The following PLGRKT variants were observed in gnomAD, a reference collection of about 807,000 sequenced individuals.
The protein encoded by PLGRKT is plasminogen receptor with a C-terminal lysine.
Under a neutral mutation model 18.5 loss-of-function variants are expected in PLGRKT, and 22 were observed. The ratio of observed to expected loss-of-function variants is 1.19; its 90% CI spans 0.85 to 1.70. The LOEUF (loss-of-function observed/expected upper bound fraction) is 1.70, where lower values mean the gene tolerates loss of function less well. PLGRKT is among the 40% of genes most tolerant of loss of function. The probability of loss-of-function intolerance (pLI) is 0.00; values close to 1 mark genes in which losing one functional copy is unlikely to be tolerated. For missense variants in PLGRKT, 235 were observed against 174.4 expected (o/e 1.35, Z -1.96); for synonymous variants, 72 against 52.8 (o/e 1.36, Z -1.58).
intron 3 of PLGRKT, among the ~76,000 whole-genome samples, chr9:5,407,494 T>A (rs1482181928): frequency 6.6e-6 from 1 of 152,216 alleles, no homozygotes; most frequent in Non-Finnish European, 1.5e-5. Flanking sequence ...CTTTATAACC[T>A]TATTGACTAG....
chr9:5,434,843 G>A (rs1292154906), intron 2 of PLGRKT, among the ~76,000 whole-genome samples: 1 of 152,168 alleles, frequency 6.6e-6, no homozygotes, highest in Admixed American at 6.5e-5. Flanking sequence ...TCGAGAACGG[G>A]CCATGATGAC....
At chr9:5,392,616 G>A (rs958913810) in intron 3 of PLGRKT, 4 of 151,822 alleles carry the variant, frequency 2.6e-5, no homozygotes, top group African/African-American at 9.7e-5. Flanking sequence ...CCTCAGGCAA[G>A]CTGCTTTTCA....
intron 3 of PLGRKT, among the ~76,000 whole-genome samples, chr9:5,413,006 TAAAG>T (rs1818393990): frequency 6.6e-6 from 1 of 152,106 alleles, no homozygotes; most frequent in Admixed American, 6.5e-5. Context: ...CACTCATAAT[TAAAG>T]AAAAGCAAAT....
intron 3 of PLGRKT, among the ~76,000 whole-genome samples, chr9:5,373,519 G>C (rs1817568858): frequency 6.6e-6 from 1 of 152,206 alleles, no homozygotes. Flanking sequence ...AGAAAATTAG[G>C]CTGAGCACAG....
Position 5,358,133 on chromosome 9 carries a change from TA to T in PLGRKT, c.*105del. On this transcript the variant is annotated 3_prime_UTR_variant, in exon 6 of 6. Transcript: ENST00000223864. ...AAAACTATCTTGCATTTTAATATTT[TA>T]AAATAAAATCTATAATATCAAAATC... The T allele has an allele frequency of 3.9e-6, 3 of 777,822 alleles. No homozygotes were observed. Among genetic ancestry groups the T allele is most frequent in the Non-Finnish European group, 6.0e-6 (3 of 501,368 alleles). 48.2% of individuals were successfully genotyped at this position (777,822 alleles called of 1,614,324 possible). A position where few individuals can be genotyped will look rare whatever the true frequency, so the allele number is the denominator to read the frequency against.
chr9:5,395,169 A>G (rs1461600101), intron 3 of PLGRKT, among the ~76,000 whole-genome samples: 1 of 151,836 alleles, frequency 6.6e-6, no homozygotes, highest in Non-Finnish European at 1.5e-5. Context: ...GGTGTAATAT[A>G]TTATTGGGGT....
chr9:5,381,296 C>T (rs973093845), intron 3 of PLGRKT, among the ~76,000 whole-genome samples: 4 of 152,228 alleles, frequency 2.6e-5, no homozygotes, highest in Admixed American at 6.5e-5. Context: ...AATGGTTTCA[C>T]GGGCCAGGCC....
chr9:5,376,950 T>A (rs1817640003), intron 3 of PLGRKT, among the ~76,000 whole-genome samples: 1 of 152,184 alleles, frequency 6.6e-6, no homozygotes, highest in South Asian at 2.1e-4. Flanking sequence ...GAATTTTGAT[T>A]CATGTACACA....
intron 3 of PLGRKT, among the ~76,000 whole-genome samples, chr9:5,412,143 TG>T (rs149077755): frequency 0.015 from 2,247 of 152,230 alleles, 53 homozygotes; most frequent in African/African-American, 0.052. Flanking sequence ...CAGAAACAAA[TG>T]CAAGTACATA....
chr9:5,407,912 T>C (rs1818286723), intron 3 of PLGRKT, among the ~76,000 whole-genome samples: 1 of 152,214 alleles, frequency 6.6e-6, no homozygotes. Flanking sequence ...ATGACTGATA[T>C]TAGCATTTAA....
chr9:5,406,783 C>T (rs763339148), intron 3 of PLGRKT, among the ~76,000 whole-genome samples: 6 of 152,216 alleles, frequency 3.9e-5, no homozygotes, highest in Middle Eastern at 3.4e-3. Flanking sequence ...ATATTGGCTA[C>T]GACACACTAC....
Position 5,396,054 on chromosome 9 carries a change from C to T in PLGRKT, c.82-34166G>A, listed in dbSNP as rs149325640. Among the ~76,000 whole-genome samples the T allele has an allele frequency of 4.9e-3, 735 of 151,160 alleles. 21 individuals carry two copies. The highest frequency in any genetic ancestry group is 0.017 in the African/African-American group (710 of 40,872). On this transcript the variant is annotated intron_variant, in intron 3 of 5. Coordinates refer to ENST00000223864, the MANE Select transcript of PLGRKT (RefSeq NM_018465.4). Reference sequence around the variant, plus strand: ...GATTACAGGTGCCCGCCAACATGCCCGGCTAATTTTTGTAGTTTTAGTAGA... The same window carrying T: ...GATTACAGGTGCCCGCCAACATGCCTGGCTAATTTTTGTAGTTTTAGTAGA...
At chr9:5,424,019 A>C (rs961187275) in intron 3 of PLGRKT, among the ~76,000 whole-genome samples, 2 of 137,274 alleles carry the variant, frequency 1.5e-5, no homozygotes, top group Non-Finnish European at 3.1e-5. Context: ...CATCTATTAT[A>C]TATGACATAT....
chr9:5,388,125 G>C (rs1215648867), intron 3 of PLGRKT, among the ~76,000 whole-genome samples: 2 of 151,834 alleles, frequency 1.3e-5, no homozygotes, highest in Admixed American at 1.3e-4. Context: ...AAATGCCCCA[G>C]GAAGCGAGTA....
chr9:5,372,148 A>C (rs1817533503), intron 3 of PLGRKT, among the ~76,000 whole-genome samples: 1 of 151,626 alleles, frequency 6.6e-6, no homozygotes, highest in Non-Finnish European at 1.5e-5. Context: ...CGCCCAGCTA[A>C]TTTTTGTATT....
intron 3 of PLGRKT, among the ~76,000 whole-genome samples, chr9:5,403,801 T>C (rs1047326290): frequency 6.6e-6 from 1 of 152,240 alleles, no homozygotes; most frequent in African/African-American, 2.4e-5. Context: ...AATGGGCTCA[T>C]GCACTTTTCT....
At chr9:5,370,227 T>TA (rs1488853700) in intron 3 of PLGRKT, among the ~76,000 whole-genome samples, 1 of 152,178 alleles carries the variant, frequency 6.6e-6, no homozygotes, top group African/African-American at 2.4e-5. Flanking sequence ...TTTCTTTGTT[T>TA]AAAAAATATT....
chr9:5,432,099 G>C (rs1413745973), intron 2 of PLGRKT, 116 bp from the exon 3 acceptor site: 2 of 595,424 alleles, frequency 3.4e-6, no homozygotes, highest in Non-Finnish European at 6.0e-6. Context: ...TAAAATTTCT[G>C]ATCTAGGAAC....
In PLGRKT at chr9:5,399,891, T is replaced by G. The variant is rs543265712; in HGVS notation, c.81+32006A>C. On this transcript the variant is annotated intron_variant, in intron 3 of 5. Transcript: ENST00000223864. ...CTGTCATCCCAGCTACTCAGGAAGC[T>G]GAGGAAGGAGAATCACTTGAACCTG... Among the ~76,000 whole-genome samples, 10 of 151,702 alleles carry G rather than the reference T, an allele frequency of 6.6e-5. No individual in the cohort carries two copies. The South Asian group carries it at 2.1e-3, about 31-fold the overall frequency.
Sources: gnomAD v4.1 joint callset for allele counts (sites outside exome capture counted in the v4.1 genomes callset) on GRCh38, gnomAD v4.1.1 for gene constraint, MANE v1.5 for transcripts, NCBI Gene and HGNC (gene_info 2026-07-23, HGNC 2026-07-21) for gene names.